Variants in MAML2 observed in about 807,000 individuals in gnomAD.
The protein encoded by MAML2 is mastermind like transcriptional coactivator 2.
A neutral mutation model predicts 96.1 loss-of-function variants in MAML2; 22 were observed. That is an observed-to-expected ratio of 0.23 (90% CI 0.16 to 0.33). The LOEUF (loss-of-function observed/expected upper bound fraction) is 0.33, where lower values mean the gene tolerates loss of function less well. MAML2 is among the 10% of genes least tolerant of loss of function. The pLI is 1.00. For synonymous variants in MAML2, 561 were observed against 521.3 expected (o/e 1.08, Z -1.04); for missense variants, 1,367 against 1,392.4 (o/e 0.98, Z 0.29).
At chr11:95,987,106 C>G (rs151016972) in intron 3 of MAML2, among the ~76,000 whole-genome samples, 126 of 152,218 alleles carry the variant, frequency 8.3e-4, no homozygotes, top group Non-Finnish European at 1.5e-3. Flanking sequence ...GGGCTTTGTT[C>G]TAGATTGGAA....
At chr11:96,214,955 T>C (rs1862027059) in intron 1 of MAML2, among the ~76,000 whole-genome samples, 1 of 152,238 alleles carries the variant, frequency 6.6e-6, no homozygotes, top group South Asian at 2.1e-4. Context: ...AAATTGGCCA[T>C]GTGCCTCGTC....
At chr11:96,019,713 A>C (rs1031163095) in intron 2 of MAML2, among the ~76,000 whole-genome samples, 11 of 141,192 alleles carry the variant, frequency 7.8e-5, no homozygotes, top group Non-Finnish European at 1.1e-4. Context: ...AATAATAATA[A>C]TAATAATAAT....
At chr11:95,983,172 G>A (rs1469858067) in intron 4 of MAML2, among the ~76,000 whole-genome samples, 2 of 152,154 alleles carry the variant, frequency 1.3e-5, no homozygotes, top group Non-Finnish European at 2.9e-5. Flanking sequence ...CTTCCAGTGG[G>A]TCAAGATGTG....
intron 1 of MAML2, among the ~76,000 whole-genome samples, chr11:96,254,861 C>G (rs895117801): frequency 6.6e-6 from 1 of 152,132 alleles, no homozygotes; most frequent in Non-Finnish European, 1.5e-5. Flanking sequence ...CACTGTGTCA[C>G]CCAGGCTGGA....
intron 1 of MAML2, among the ~76,000 whole-genome samples, chr11:96,169,584 A>G (rs772575210): frequency 1.3e-5 from 2 of 152,208 alleles, no homozygotes; most frequent in South Asian, 2.1e-4. Flanking sequence ...TGTAAAGCCA[A>G]TTCCCATTCT....
intron 1 of MAML2, among the ~76,000 whole-genome samples, chr11:96,121,170 C>T (rs1353665741): frequency 1.3e-5 from 2 of 152,258 alleles, no homozygotes; most frequent in African/African-American, 2.4e-5. Flanking sequence ...TCCCCTACTC[C>T]GCACCAGCCT....
intron 1 of MAML2, among the ~76,000 whole-genome samples, chr11:96,196,879 C>CTTTTT (rs35624218): frequency 2.3e-5 from 3 of 129,012 alleles, no homozygotes; most frequent in Admixed American, 8.0e-5. Context: ...CCACCCTCGG[C>CTTTTT]TTTTTTTTTT....
chr11:96,131,003 A>T (rs1860540076), intron 1 of MAML2, among the ~76,000 whole-genome samples: 1 of 152,234 alleles, frequency 6.6e-6, no homozygotes, highest in African/African-American at 2.4e-5. Context: ...AGACAAAAGC[A>T]TAAATTTCAT....
At chr11:96,277,228 A>AT (rs968121479) in intron 1 of MAML2, among the ~76,000 whole-genome samples, 13 of 151,584 alleles carry the variant, frequency 8.6e-5, no homozygotes, top group South Asian at 4.2e-4. Flanking sequence ...CTGTATCTCG[A>AT]TTTTTTTTTC....
At chr11:96,332,240 G>A (rs1396882732) in intron 1 of MAML2, among the ~76,000 whole-genome samples, 5 of 152,322 alleles carry the variant, frequency 3.3e-5, no homozygotes, top group Admixed American at 1.3e-4. Context: ...CATGCAACAC[G>A]CACTCACACT....
At chr11:96,159,884 C>T (rs1382670457) in intron 1 of MAML2, among the ~76,000 whole-genome samples, 3 of 152,144 alleles carry the variant, frequency 2.0e-5, no homozygotes, top group Non-Finnish European at 2.9e-5. Context: ...TGGGAAAAAA[C>T]TACAATTTAA....
intron 1 of MAML2, among the ~76,000 whole-genome samples, chr11:96,243,239 TG>T (rs1862461118): frequency 6.6e-6 from 1 of 152,142 alleles, no homozygotes; most frequent in Non-Finnish European, 1.5e-5. Context: ...AACCTCAAGC[TG>T]ACAAAAGAAG....
chr11:95,985,525 A>G lies in MAML2; in HGVS notation c.2455+6T>C. 6.5e-7 allele frequency: 1 copy of G among 1,545,316 alleles called. No individual in the cohort carries two copies. The highest frequency in any genetic ancestry group is 8.9e-7 in the Non-Finnish European group (1 of 1,128,894). On this transcript the variant is annotated splice_donor_region_variant and intron_variant, in intron 4 of 4. Coordinates refer to ENST00000524717, the MANE Select transcript of MAML2 (RefSeq NM_032427.4). ...ATAATTTTTATTAATTTTTAAGAAC[A>G]CTTACCAGAATACTGAGCAGTTGGT...
chr11:96,333,247 C>T (rs1591137443), intron 1 of MAML2, among the ~76,000 whole-genome samples: 1 of 151,888 alleles, frequency 6.6e-6, no homozygotes, highest in African/African-American at 2.4e-5. Flanking sequence ...GAAGCAAGAA[C>T]ACTGTTAAAA....
At chr11:96,024,563 T>A (rs1858485797) in intron 2 of MAML2, among the ~76,000 whole-genome samples, 1 of 152,244 alleles carries the variant, frequency 6.6e-6, no homozygotes, top group South Asian at 2.1e-4. Flanking sequence ...TTGAGTAGGC[T>A]GGTCATAGGT....
intron 2 of MAML2, among the ~76,000 whole-genome samples, chr11:96,001,389 C>A (rs1858075601): frequency 6.6e-6 from 1 of 152,130 alleles, no homozygotes; most frequent in South Asian, 2.1e-4. Flanking sequence ...TAGAAGGATT[C>A]TTTGTGGCAG....
At chr11:96,031,820 C>T (rs1363237858) in intron 2 of MAML2, among the ~76,000 whole-genome samples, 1 of 151,846 alleles carries the variant, frequency 6.6e-6, no homozygotes, top group Non-Finnish European at 1.5e-5. Flanking sequence ...CCCGTCTCTA[C>T]TAAAAATACA....
intron 1 of MAML2, among the ~76,000 whole-genome samples, chr11:96,186,769 G>A (rs1468868198): frequency 6.6e-6 from 1 of 152,212 alleles, no homozygotes; most frequent in Non-Finnish European, 1.5e-5. Context: ...CTTTCTCAAG[G>A]CTACATAGTA....
chr11:96,199,336 C>T (rs1278093250), intron 1 of MAML2, among the ~76,000 whole-genome samples: 1 of 152,038 alleles, frequency 6.6e-6, no homozygotes, highest in Non-Finnish European at 1.5e-5. Flanking sequence ...GTGGGCAGAA[C>T]CGCAGAAGAG....
Sources: gnomAD v4.1 joint callset for allele counts (sites outside exome capture counted in the v4.1 genomes callset) on GRCh38, gnomAD v4.1.1 for gene constraint, MANE v1.5 for transcripts, NCBI Gene and HGNC (gene_info 2026-07-23, HGNC 2026-07-21) for gene names.